STK4: variants seen among roughly 807,000 people sequenced by gnomAD.
STK4 encodes serine/threonine kinase 4.
In STK4, 30 loss-of-function variants were observed where a neutral mutation model predicts 64.9. The ratio of observed to expected loss-of-function variants is 0.46; its 90% CI spans 0.35 to 0.63. The LOEUF is 0.63. Ranked by LOEUF, STK4 falls within the 20% of genes least tolerant of loss-of-function variation. The probability of loss-of-function intolerance (pLI) is 0.01; values close to 1 mark genes in which losing one functional copy is unlikely to be tolerated. For missense variants in STK4, 466 were observed against 598.5 expected (o/e 0.78, Z 2.31); for synonymous variants, 177 against 199.0 (o/e 0.89, Z 0.93).
In STK4 at chr20:44,986,245, T is replaced by C. The variant is rs1164937079; in HGVS notation, c.361-887T>C. ...TAATTTAAGGGAATAGAGTATGAGCTAGAAATGGAGTAAGAAAGCCCTCTC... is the reference window on the plus strand; with the variant it reads ...TAATTTAAGGGAATAGAGTATGAGCCAGAAATGGAGTAAGAAAGCCCTCTC... On this transcript the variant is annotated intron_variant, in intron 4 of 10. Transcript: ENST00000372806. Among the ~76,000 whole-genome samples, 4 of 152,314 alleles carry C rather than the reference T, an allele frequency of 2.6e-5. No homozygotes were observed. In the East Asian group the frequency reaches 7.7e-4, roughly 29 times the overall value.
chr20:45,025,096 A>G lies in STK4; in HGVS notation c.1271A>G (p.Asp424Gly), dbSNP rs146304786. 5 of 1,613,442 alleles carry G rather than the reference A, an allele frequency of 3.1e-6. No individual in the cohort carries two copies. In the South Asian group the frequency reaches 5.5e-5, roughly 18 times the overall value. Residue 424 changes from aspartate to glycine, a missense_variant, in exon 10 of 11, where the codon GAT (aspartate) becomes GGT (glycine). Asp to Gly is a moderately conservative substitution (Grantham distance 94). Around this residue, in one of 2 missense-constraint regions of STK4, gnomAD observed 276 missense variants for 308.9 expected, o/e 0.89. Transcript: ENST00000372806. ...SVPGPLKNSSDWKIPQDGDYE... is the reference protein window; with the variant it reads ...SVPGPLKNSSGWKIPQDGDYE... Reference sequence around the variant, plus strand: ...CCTGGTCCACTGAAAAATTCTTCAGATTGGAAAATACCACAGGATGGAGAC... The same window carrying G: ...CCTGGTCCACTGAAAAATTCTTCAGGTTGGAAAATACCACAGGATGGAGAC...
chr20:44,977,792 A>G (rs1000936713), intron 2 of STK4, among the ~76,000 whole-genome samples: 1 of 152,122 alleles, frequency 6.6e-6, no homozygotes, highest in Admixed American at 6.5e-5. Flanking sequence ...TGCTGTGTTT[A>G]CCTGATACTA....
intron 9 of STK4, among the ~76,000 whole-genome samples, chr20:45,019,744 A>G (rs1420064451): frequency 6.6e-6 from 1 of 152,164 alleles, no homozygotes; most frequent in African/African-American, 2.4e-5. Context: ...ATTCAGCTGA[A>G]CATCTTTATT....
chr20:44,973,789 G>A (rs1192048112), intron 2 of STK4, among the ~76,000 whole-genome samples: 1 of 152,208 alleles, frequency 6.6e-6, no homozygotes, highest in African/African-American at 2.4e-5. Flanking sequence ...AATTCATAGA[G>A]TTGTGTTATT....
intron 10 of STK4, among the ~76,000 whole-genome samples, chr20:45,043,649 A>C (rs950775705): frequency 1.3e-5 from 2 of 152,222 alleles, no homozygotes; most frequent in Non-Finnish European, 2.9e-5. Flanking sequence ...TAAAATTTGA[A>C]ACTTTTGAAC....
chr20:44,986,030 T>A (rs1294121408), intron 4 of STK4, among the ~76,000 whole-genome samples: 2 of 152,240 alleles, frequency 1.3e-5, no homozygotes, highest in African/African-American at 2.4e-5. Context: ...TACTAGTTTC[T>A]AGCATTCTCA....
chr20:44,976,019 C>T (rs1173282249), intron 2 of STK4, among the ~76,000 whole-genome samples: 2 of 152,108 alleles, frequency 1.3e-5, no homozygotes, highest in East Asian at 3.8e-4. Context: ...AATATAATTA[C>T]AATTTTCAAA....
chr20:45,036,834 C>T (rs1022604373), intron 10 of STK4, among the ~76,000 whole-genome samples: 1 of 152,046 alleles, frequency 6.6e-6, no homozygotes, highest in Non-Finnish European at 1.5e-5. Flanking sequence ...CGTTACCATC[C>T]ACAGTTTCAG....
intron 10 of STK4, among the ~76,000 whole-genome samples, chr20:45,059,587 A>T (rs1978813086): frequency 6.6e-6 from 1 of 152,208 alleles, no homozygotes; most frequent in Non-Finnish European, 1.5e-5. Context: ...ACAGCGCAGG[A>T]TTTCATCATG....
chr20:45,074,844 C>T (rs1475602074), intron 10 of STK4, among the ~76,000 whole-genome samples, 174 bp from the exon 11 acceptor site: 2 of 152,148 alleles, frequency 1.3e-5, no homozygotes, highest in Non-Finnish European at 2.9e-5. Context: ...TCAAGGTATG[C>T]CATGCTTTGG....
intron 10 of STK4, among the ~76,000 whole-genome samples, chr20:45,043,556 G>T (rs1600526695): frequency 6.6e-6 from 1 of 152,170 alleles, no homozygotes; most frequent in South Asian, 2.1e-4. Context: ...GAACCTATAT[G>T]AGAGTTAAAT....
chr20:44,990,810 C>T (rs1305797741), intron 5 of STK4, among the ~76,000 whole-genome samples: 1 of 152,156 alleles, frequency 6.6e-6, no homozygotes, highest in Admixed American at 6.5e-5. Flanking sequence ...TGCTTAGCTG[C>T]TTCTTAACTC....
chr20:45,024,513 T>C (rs185567835), intron 9 of STK4, among the ~76,000 whole-genome samples: 1 of 152,318 alleles, frequency 6.6e-6, no homozygotes, highest in East Asian at 1.9e-4. Flanking sequence ...AGTTAGATTA[T>C]GAGATTATCA....
rs1364586465 is a variant in STK4, at chr20:44,980,286, G to T, written c.246-1543G>T. ...TCATTAATATTTAATGTGTGTGTGT[G>T]TTTTGCTGTCCTTGTCACTGGCATG... On this transcript the variant is annotated intron_variant, in intron 3 of 10. Coordinates refer to ENST00000372806, the MANE Select transcript of STK4 (RefSeq NM_006282.5). Among the ~76,000 whole-genome samples, 4 of 152,280 alleles carry T rather than the reference G, an allele frequency of 2.6e-5. No homozygotes were observed. In the East Asian group the frequency reaches 7.7e-4, roughly 29 times the overall value.
intron 3 of STK4, 89 bp from the exon 4 acceptor site, chr20:44,981,740 T>A: frequency 1.3e-6 from 1 of 745,026 alleles, no homozygotes. Flanking sequence ...TCTTTCCAGA[T>A]GAGGAATTAA....
intron 10 of STK4, among the ~76,000 whole-genome samples, chr20:45,066,998 A>T (rs1392048540): frequency 1.3e-5 from 2 of 152,318 alleles, no homozygotes; most frequent in East Asian, 3.9e-4. Flanking sequence ...TGAGAATCTC[A>T]TCTTATTAGA....
At chr20:44,966,723 C>T in intron 1 of STK4, 120 bp downstream of exon 1, 1 of 1,126,500 alleles carries the variant, frequency 8.9e-7, no homozygotes, top group Admixed American at 4.2e-5. Context: ...CGATGGGGCA[C>T]CTGCTGAGTG....
Position 45,000,458 on chromosome 20 carries a change from G to A in STK4, c.898G>A (p.Val300Met). ...LRDLINEAMD[V>M]KLKRQESQQR... ...AGACTTAATTAATGAAGCCATGGAT[G>A]TGAAACTGAAACGCCAGGAATCCCA... The change falls in exon 8 of 11, where the codon GTG becomes ATG. Residue 300 changes from valine (V) to methionine (M), a missense_variant. Around this residue, in one of 2 missense-constraint regions of STK4, gnomAD observed 276 missense variants for 308.9 expected, o/e 0.89. Transcript: ENST00000372806. The A allele has an allele frequency of 6.2e-7, 1 of 1,614,134 alleles. No homozygotes were observed. The highest frequency in any genetic ancestry group is 8.5e-7 in the Non-Finnish European group (1 of 1,179,986).
At chr20:45,053,219 CTGGTTCTGCTGG>C (rs1313118312) in intron 10 of STK4, 1 of 1,481,312 alleles carries the variant, frequency 6.8e-7, no homozygotes. Flanking sequence ...CCACAGTAGC[CTGGTTCTGCTGG>C]TGGATCGTGC....
Sources: gnomAD v4.1 joint callset for allele counts (sites outside exome capture counted in the v4.1 genomes callset) on GRCh38, gnomAD v4.1.1 for gene constraint, gnomAD v4.1.1 regional missense constraint, MANE v1.5 for transcripts, NCBI Gene and HGNC (gene_info 2026-07-23, HGNC 2026-07-21) for gene names.